PRMT3: variants seen among roughly 807,000 people sequenced by gnomAD.
The protein encoded by PRMT3 is protein arginine methyltransferase 3.
PRMT3 carries 62 observed loss-of-function variants against 71.9 expected under a neutral mutation model. The observed-to-expected ratio is 0.86, with a 90% CI of 0.70 to 1.07. PRMT3 has a LOEUF of 1.07. PRMT3 is among the 50% of genes least tolerant of loss of function. The pLI is 0.00. For missense variants in PRMT3, 663 were observed against 643.0 expected (o/e 1.03, Z -0.34); for synonymous variants, 213 against 220.4 (o/e 0.97, Z 0.30).
intron 10 of PRMT3, among the ~76,000 whole-genome samples, chr11:20,434,122 G>A (rs1472317488): frequency 6.6e-6 from 1 of 152,128 alleles, no homozygotes; most frequent in African/African-American, 2.4e-5. Context: ...TTTCTCTAAT[G>A]ATCAGTGATA....
chr11:20,506,501 T>C lies in PRMT3; in HGVS notation c.1487-1803T>C, dbSNP rs572103378. ...GTGTTAAACTGTGAGTCTCACCTTT[T>C]TTGCAAAGATGTAGAGAAGGTATCA... On this transcript the variant is annotated intron_variant, in intron 15 of 15. Coordinates refer to ENST00000331079, the MANE Select transcript of PRMT3 (RefSeq NM_005788.4). Among the ~76,000 whole-genome samples, 6 of 151,994 alleles carry C rather than the reference T, an allele frequency of 3.9e-5. 1 individual carries two copies. In the South Asian group the frequency reaches 1.2e-3, roughly 32 times the overall value.
In PRMT3 at chr11:20,487,796, G is replaced by A. The variant is rs565334796; in HGVS notation, c.1348-6123G>A. Among the ~76,000 whole-genome samples, 9 of 152,224 alleles carry A rather than the reference G, an allele frequency of 5.9e-5. No individual in the cohort carries two copies. In the South Asian group the frequency reaches 1.2e-3, roughly 21 times the overall value. On this transcript the variant is annotated intron_variant, in intron 13 of 15. Transcript: ENST00000331079. ...ATGAAATGTCAAAATGAAAGTATTC[G>A]TGTTACAGACTCTGAAGATGATTTT...
intron 10 of PRMT3, among the ~76,000 whole-genome samples, chr11:20,442,776 A>G (rs1849938256): frequency 6.6e-6 from 1 of 152,226 alleles, no homozygotes; most frequent in South Asian, 2.1e-4. Context: ...AGACAATTAC[A>G]TTCTACGTAA....
chr11:20,442,639 G>C (rs1849934543), intron 10 of PRMT3, among the ~76,000 whole-genome samples: 1 of 151,972 alleles, frequency 6.6e-6, no homozygotes, highest in Non-Finnish European at 1.5e-5. Flanking sequence ...TTTTATGGCT[G>C]TGCACACATG....
At chr11:20,417,416 ATTTGT>A (rs1380758070) in intron 9 of PRMT3, among the ~76,000 whole-genome samples, 2 of 152,054 alleles carry the variant, frequency 1.3e-5, no homozygotes, top group African/African-American at 2.4e-5. Flanking sequence ...TGAACTTTAA[ATTTGT>A]TTTATCACTA....
chr11:20,440,489 C>CAAA (rs55801324), intron 10 of PRMT3, among the ~76,000 whole-genome samples: 673 of 115,488 alleles, frequency 5.8e-3, no homozygotes, highest in Non-Finnish European at 8.6e-3. Context: ...ACTAAAAATA[C>CAAA]AAAAAAAAAA....
intron 15 of PRMT3, among the ~76,000 whole-genome samples, chr11:20,504,484 A>G (rs1851532524): frequency 6.6e-6 from 1 of 152,158 alleles, no homozygotes; most frequent in South Asian, 2.1e-4. Flanking sequence ...AAATCAGCTC[A>G]TTAATTTCTG....
chr11:20,426,296 C>T (rs1331244463), intron 9 of PRMT3, among the ~76,000 whole-genome samples: 1 of 152,160 alleles, frequency 6.6e-6, no homozygotes, highest in Non-Finnish European at 1.5e-5. Flanking sequence ...GTAGCACAGG[C>T]TCAACGAAAT....
intron 13 of PRMT3, among the ~76,000 whole-genome samples, chr11:20,487,396 A>C (rs1851100494): frequency 6.6e-6 from 1 of 152,198 alleles, no homozygotes; most frequent in South Asian, 2.1e-4. Context: ...CATCTGCAGT[A>C]ATGTAGATGA....
chr11:20,497,536 T>G (rs1004578434), intron 15 of PRMT3, among the ~76,000 whole-genome samples: 3 of 152,144 alleles, frequency 2.0e-5, no homozygotes, highest in African/African-American at 4.8e-5. Context: ...CTTTTTGTTG[T>G]TCTGAATCCT....
At chr11:20,496,447 T>C (rs1023860307) in intron 15 of PRMT3, among the ~76,000 whole-genome samples, 1 of 151,918 alleles carries the variant, frequency 6.6e-6, no homozygotes, top group African/African-American at 2.4e-5. Context: ...GAGGCAACAT[T>C]GAGCAAAAAA....
chr11:20,459,391 A>G (rs1324492686), intron 11 of PRMT3, among the ~76,000 whole-genome samples: 1 of 152,156 alleles, frequency 6.6e-6, no homozygotes, highest in Non-Finnish European at 1.5e-5. Context: ...TGGCCCTGAT[A>G]ATAACCCCCC....
chr11:20,499,151 T>C (rs1048336234), intron 15 of PRMT3, among the ~76,000 whole-genome samples: 3 of 152,250 alleles, frequency 2.0e-5, no homozygotes, highest in African/African-American at 7.2e-5. Context: ...AGGAAATTAA[T>C]GATAAAATAG....
chr11:20,451,901 A>T (rs973850744), intron 10 of PRMT3, among the ~76,000 whole-genome samples: 3 of 152,186 alleles, frequency 2.0e-5, no homozygotes, highest in African/African-American at 7.2e-5. Context: ...AGATAAAGAA[A>T]ATGCAGTATA....
At chr11:20,389,954 C>G (rs1297188119) in intron 3 of PRMT3, 128 bp downstream of exon 3, 1 of 626,242 alleles carries the variant, frequency 1.6e-6, no homozygotes, top group Non-Finnish European at 2.8e-6. Flanking sequence ...GAGTTCAAGA[C>G]CAGCCTGGCC....
intron 9 of PRMT3, among the ~76,000 whole-genome samples, chr11:20,413,697 GTCT>G (rs1242072035): frequency 6.6e-6 from 1 of 152,024 alleles, no homozygotes; most frequent in African/African-American, 2.4e-5. Flanking sequence ...CTACTTTTTT[GTCT>G]TCTTTCTATT....
At position 20,508,662 on chromosome 11, in the gene PRMT3, G is replaced by A. The variant is rs1851657055; in HGVS notation, c.*249G>A. The A allele has an allele frequency of 5.0e-6, 3 of 602,192 alleles. No individual in the cohort carries two copies. Among genetic ancestry groups the A allele is most frequent in the Non-Finnish European group, 9.3e-6 (3 of 321,486 alleles). The allele number at this position is 602,192 out of a possible 1,614,324, so 37.3% of individuals were successfully genotyped here. On this transcript the variant is annotated 3_prime_UTR_variant, in exon 16 of 16. Transcript: ENST00000331079. ...TTTGCTCCACCAGATTTAACCAAATGTAACTCCCACATTGAGTTTATCTAT... is the reference window on the plus strand; with the variant it reads ...TTTGCTCCACCAGATTTAACCAAATATAACTCCCACATTGAGTTTATCTAT...
At position 20,496,396 on chromosome 11, in the gene PRMT3, C is replaced by T. The variant is rs958093707; in HGVS notation, c.1486+2142C>T. 7.2e-5 allele frequency among the ~76,000 whole-genome samples: 11 copies of T among 151,894 alleles called. No homozygotes were observed. The East Asian group carries it at 9.7e-4, about 13-fold the overall frequency. ...TTGAGCTGCTTTACTCCAGCTGGGG[C>T]GACATAGTGAGACCCTGTCTCTTGG... On this transcript the variant is annotated intron_variant, in intron 15 of 15. Coordinates refer to ENST00000331079, the MANE Select transcript of PRMT3 (RefSeq NM_005788.4).
intron 15 of PRMT3, among the ~76,000 whole-genome samples, chr11:20,504,741 A>AGAGAGAGAGAGAGAGAGG (rs1565243517): frequency 1.5e-5 from 2 of 137,630 alleles, no homozygotes; most frequent in Admixed American, 1.4e-4. Context: ...AGAGAGAGAG[A>AGAGAGAGAGAGAGAGAGG]GAGAGCGAGA....
Sources: allele counts gnomAD v4.1 joint callset (sites outside exome capture counted in the v4.1 genomes callset), GRCh38; gene constraint gnomAD v4.1.1; transcripts MANE v1.5; gene names NCBI Gene and HGNC (gene_info 2026-07-23, HGNC 2026-07-21).